UNC5C: variants seen among roughly 807,000 people sequenced by gnomAD.
UNC5C encodes the protein unc-5 netrin receptor C.
In UNC5C, 47 loss-of-function variants were observed where a neutral mutation model predicts 99.8. The ratio of observed to expected loss-of-function variants is 0.47; its 90% CI spans 0.37 to 0.60. The LOEUF (loss-of-function observed/expected upper bound fraction) is 0.60, where lower values mean the gene tolerates loss of function less well. UNC5C is among the 20% of genes least tolerant of loss of function. The pLI, the probability that UNC5C is intolerant of heterozygous loss-of-function variation, is 0.00. For synonymous variants in UNC5C, 487 were observed against 452.2 expected (o/e 1.08, Z -0.98); for missense variants, 1,062 against 1,165.9 (o/e 0.91, Z 1.30).
At chr4:95,497,253 G>T (rs1012458909) in intron 1 of UNC5C, among the ~76,000 whole-genome samples, 1 of 151,946 alleles carries the variant, frequency 6.6e-6, no homozygotes, top group African/African-American at 2.4e-5. Context: ...TCTCCATAGT[G>T]TTTTCCATAG....
intron 14 of UNC5C, among the ~76,000 whole-genome samples, chr4:95,175,690 T>A (rs1736311943): frequency 6.6e-6 from 1 of 152,302 alleles, no homozygotes; most frequent in Non-Finnish European, 1.5e-5. Context: ...TTTCCTTCAT[T>A]TCAACTTTGG....
chr4:95,489,619 C>G (rs1466784893), intron 1 of UNC5C, among the ~76,000 whole-genome samples: 1 of 151,486 alleles, frequency 6.6e-6, no homozygotes, highest in African/African-American at 2.4e-5. Context: ...AGAGTCCTGC[C>G]CTGGAAGGGA....
chr4:95,226,039 C>T (rs1738674772), intron 7 of UNC5C, among the ~76,000 whole-genome samples: 1 of 152,310 alleles, frequency 6.6e-6, no homozygotes, highest in East Asian at 1.9e-4. Context: ...ACATTTTCTT[C>T]AGCTAATGAG....
intron 1 of UNC5C, among the ~76,000 whole-genome samples, chr4:95,531,837 GA>G (rs1293717905): frequency 1.3e-5 from 2 of 152,128 alleles, no homozygotes; most frequent in African/African-American, 4.8e-5. Context: ...GGAGAAAAAT[GA>G]AAAATACACC....
intron 3 of UNC5C, among the ~76,000 whole-genome samples, chr4:95,286,250 A>C (rs1268685093): frequency 6.6e-6 from 1 of 152,210 alleles, no homozygotes; most frequent in Non-Finnish European, 1.5e-5. Flanking sequence ...ATTGAAGGTG[A>C]TGTTTCATAA....
intron 1 of UNC5C, among the ~76,000 whole-genome samples, chr4:95,526,832 G>C (rs901074289): frequency 6.6e-6 from 1 of 151,836 alleles, no homozygotes; most frequent in Non-Finnish European, 1.5e-5. Flanking sequence ...ATTTTAACAT[G>C]GTTGTGTTAC....
intron 2 of UNC5C, among the ~76,000 whole-genome samples, chr4:95,321,638 C>T (rs1036442926): frequency 2.0e-5 from 3 of 152,122 alleles, no homozygotes; most frequent in Non-Finnish European, 4.4e-5. Context: ...CTATATAGTT[C>T]AGTATCCCAT....
intron 1 of UNC5C, among the ~76,000 whole-genome samples, chr4:95,541,422 T>TG (rs1188677637): frequency 6.6e-6 from 1 of 152,156 alleles, no homozygotes; most frequent in Non-Finnish European, 1.5e-5. Flanking sequence ...AGGCATCCAT[T>TG]GGGGGTCTTG....
At chr4:95,455,730 G>C (rs1181555439) in intron 1 of UNC5C, among the ~76,000 whole-genome samples, 1 of 152,148 alleles carries the variant, frequency 6.6e-6, no homozygotes, top group South Asian at 2.1e-4. Context: ...TCTGCATACA[G>C]AGAGAAAATG....
chr4:95,310,267 G>A (rs1742229767), intron 2 of UNC5C, among the ~76,000 whole-genome samples: 1 of 152,060 alleles, frequency 6.6e-6, no homozygotes, highest in Non-Finnish European at 1.5e-5. Context: ...CAAAAATGGT[G>A]GTTCACAGAG....
intron 4 of UNC5C, among the ~76,000 whole-genome samples, chr4:95,271,232 AT>A (rs201364522): frequency 5.8e-4 from 65 of 112,272 alleles, no homozygotes; most frequent in Admixed American, 7.2e-4. Flanking sequence ...TTTTTTATTT[AT>A]TTTTTTTTTT....
intron 1 of UNC5C, among the ~76,000 whole-genome samples, chr4:95,488,925 A>C (rs929029805): frequency 1.3e-5 from 2 of 151,766 alleles, no homozygotes; most frequent in Non-Finnish European, 2.9e-5. Flanking sequence ...TCAGTTCAAA[A>C]AATAAGAATT....
intron 7 of UNC5C, among the ~76,000 whole-genome samples, chr4:95,235,466 G>A (rs2060050189): frequency 6.6e-6 from 1 of 152,062 alleles, no homozygotes; most frequent in African/African-American, 2.4e-5. Flanking sequence ...TTCTTTTGCT[G>A]TGCAGAAGCT....
At chr4:95,461,370 GCT>G (rs1408370437) in intron 1 of UNC5C, among the ~76,000 whole-genome samples, 6 of 98,188 alleles carry the variant, frequency 6.1e-5, no homozygotes, top group Non-Finnish European at 1.0e-4. Context: ...AAGATGTTAT[GCT>G]CTGTTACTAA....
At chr4:95,427,455 G>A (rs1176418239) in intron 1 of UNC5C, among the ~76,000 whole-genome samples, 1 of 152,130 alleles carries the variant, frequency 6.6e-6, no homozygotes, top group Non-Finnish European at 1.5e-5. Context: ...AGTTGTTGCG[G>A]CAAACTTCAC....
chr4:95,192,548 C>T (rs1023524085), intron 12 of UNC5C, among the ~76,000 whole-genome samples: 2 of 145,980 alleles, frequency 1.4e-5, no homozygotes, highest in East Asian at 4.3e-4. Context: ...CTCTCCTGGT[C>T]GCCTCTTCTG....
intron 10 of UNC5C, among the ~76,000 whole-genome samples, chr4:95,212,720 C>G (rs1484609418): frequency 6.6e-6 from 1 of 152,210 alleles, no homozygotes; most frequent in Non-Finnish European, 1.5e-5. Context: ...AATCTGTCCT[C>G]TCCCCTGGAG....
chr4:95,468,316 TTCTC>T (rs1438377106), intron 1 of UNC5C, among the ~76,000 whole-genome samples: 1 of 152,174 alleles, frequency 6.6e-6, no homozygotes, highest in Non-Finnish European at 1.5e-5. Context: ...GTACTGCTTC[TTCTC>T]TGTCTTTTTT....
chr4:95,532,653 G>A (rs1417561562), intron 1 of UNC5C, among the ~76,000 whole-genome samples: 1 of 152,086 alleles, frequency 6.6e-6, no homozygotes, highest in Admixed American at 6.6e-5. Flanking sequence ...GGAATCTGAG[G>A]AATTAACACT....
Sources: allele counts gnomAD v4.1 joint callset (sites outside exome capture counted in the v4.1 genomes callset), GRCh38; gene constraint gnomAD v4.1.1; transcripts MANE v1.5; gene names NCBI Gene and HGNC (gene_info 2026-07-23, HGNC 2026-07-21).